ZNF487: variants seen among roughly 807,000 people sequenced by gnomAD.
ZNF487 encodes KRAB domain only 1.
Under a neutral mutation model 3.0 loss-of-function variants are expected in ZNF487, and 4 were observed. The observed-to-expected ratio is 1.35, with a 90% CI of 0.66 to 3.08. ZNF487 has a LOEUF of 3.08. Ranked by LOEUF, ZNF487 falls within the 30% of genes most tolerant of loss-of-function variation. The pLI is 0.01. For missense variants in ZNF487, 146 were observed against 98.7 expected, an observed-to-expected ratio of 1.48 and a Z score of -2.03; for synonymous variants, 55 against 34.6, an observed-to-expected ratio of 1.59 and a Z score of -2.06.
At chr10:43,450,002 T>C (rs2132056627) in intron 1 of ZNF487, among the ~76,000 whole-genome samples, 1 of 152,252 alleles carries the variant, frequency 6.6e-6, no homozygotes. Flanking sequence ...TTACTTTTAA[T>C]GTAAGTTTTA....
intron 1 of ZNF487, among the ~76,000 whole-genome samples, chr10:43,473,664 C>A (rs1222851330): frequency 1.3e-5 from 2 of 151,690 alleles, no homozygotes; most frequent in Admixed American, 1.3e-4. Context: ...GATTACAGGC[C>A]CCCTTTTTTT....
At chr10:43,521,790 G>T in the ZNF487 span, among the ~76,000 whole-genome samples, 17 of 151,976 alleles carry the variant, frequency 1.1e-4, no homozygotes, top group African/African-American at 4.1e-4. Flanking sequence ...ACTGGAAAGA[G>T]AAACCAGACA....
Position 43,445,073 on chromosome 10 carries a change from ATCTTT to A in ZNF487, c.-94+7816_-94+7820del, listed in dbSNP as rs545871167. 7.8e-4 allele frequency among the ~76,000 whole-genome samples: 119 copies of A among 152,080 alleles called. 1 individual carries two copies. The highest frequency in any genetic ancestry group is 2.7e-3 in the African/African-American group (111 of 41,496). On this transcript the variant is annotated intron_variant, in intron 1 of 3. Transcript: ENST00000437590. ...AACTTAGTTGCCTTTAAGTTCAGTA[ATCTTT>A]TCTTCTGTAATGTCTAATCTGCTGT...
the ZNF487 span, among the ~76,000 whole-genome samples, chr10:43,520,640 A>C: frequency 1 from 151,706 of 152,332 alleles, 75,545 homozygotes; most frequent in Middle Eastern, 1. Flanking sequence ...TAGAGCAGTG[A>C]CATACAAAGT....
At chr10:43,480,023 CTT>C (rs768075650) in intron 3 of ZNF487, among the ~76,000 whole-genome samples, 1 of 68,590 alleles carries the variant, frequency 1.5e-5, no homozygotes, top group African/African-American at 3.6e-5. Context: ...TTCTTTCTTT[CTT>C]TCTTTCTTTC....
chr10:43,492,572 C>T, the ZNF487 span, among the ~76,000 whole-genome samples: 1 of 151,952 alleles, frequency 6.6e-6, no homozygotes, highest in African/African-American at 2.4e-5. Flanking sequence ...CTGCCTCAGC[C>T]TCCCAAGTAG....
chr10:43,520,428 G>A, the ZNF487 span, among the ~76,000 whole-genome samples: 3 of 152,164 alleles, frequency 2.0e-5, no homozygotes, highest in Admixed American at 2.0e-4. Context: ...TTTAAGGTTT[G>A]TGTTTTGAAA....
upstream of ZNF487, chr10:43,436,952 C>A (rs1433085016): frequency 6.5e-6 from 3 of 462,432 alleles, no homozygotes; most frequent in East Asian, 7.3e-5. Flanking sequence ...GTCCGGCCAG[C>A]GGACAAGAGG....
chr10:43,450,688 A>G (rs1178029499), intron 1 of ZNF487, among the ~76,000 whole-genome samples: 1 of 152,110 alleles, frequency 6.6e-6, no homozygotes, highest in Non-Finnish European at 1.5e-5. Context: ...TGGGTGTGTG[A>G]ATGCCTTTTT....
the ZNF487 span, among the ~76,000 whole-genome samples, chr10:43,515,715 C>A: frequency 2.6e-5 from 4 of 152,278 alleles, no homozygotes; most frequent in South Asian, 2.1e-4. Flanking sequence ...TCACTCAGGG[C>A]AATCTTAGCA....
intron 1 of ZNF487, among the ~76,000 whole-genome samples, chr10:43,464,555 T>G (rs991428377): frequency 1.3e-5 from 2 of 152,032 alleles, no homozygotes; most frequent in African/African-American, 4.8e-5. Flanking sequence ...GTACTTGAGA[T>G]TAGGGAGTGG....
intron 1 of ZNF487, among the ~76,000 whole-genome samples, chr10:43,451,455 G>C (rs1840007961): frequency 6.6e-6 from 1 of 151,418 alleles, no homozygotes; most frequent in African/African-American, 2.4e-5. Flanking sequence ...ATGTTGGTCA[G>C]GCTGGTCTCG....
chr10:43,492,155 C>T, the ZNF487 span, among the ~76,000 whole-genome samples: 5 of 151,778 alleles, frequency 3.3e-5, no homozygotes, highest in Admixed American at 1.3e-4. Context: ...CCACATTGCC[C>T]AGGCTACCGC....
the ZNF487 span, among the ~76,000 whole-genome samples, chr10:43,514,647 C>T: frequency 1.3e-5 from 2 of 152,212 alleles, no homozygotes; most frequent in African/African-American, 2.4e-5. Context: ...CCACGCCCAC[C>T]TTGCCTTTGA....
chr10:43,496,183 C>A, the ZNF487 span: 1 of 460,382 alleles, frequency 2.2e-6, no homozygotes, highest in East Asian at 6.3e-5. Flanking sequence ...GCATTCATTT[C>A]TTTTTTAGCA....
intron 1 of ZNF487, among the ~76,000 whole-genome samples, chr10:43,473,466 A>G (rs567062869): frequency 3.4e-4 from 51 of 152,196 alleles, no homozygotes; most frequent in African/African-American, 9.6e-4. Context: ...ATAAACAGTA[A>G]TATCTAGCAA....
intron 1 of ZNF487, among the ~76,000 whole-genome samples, chr10:43,466,406 CTT>C (rs529133882): frequency 1.8e-4 from 26 of 140,920 alleles, no homozygotes; most frequent in Admixed American, 3.6e-4. Context: ...TTCTTTCTTT[CTT>C]TTTTTTTTTT....
the ZNF487 span, among the ~76,000 whole-genome samples, chr10:43,508,867 A>G: frequency 7.3e-5 from 11 of 151,242 alleles, no homozygotes; most frequent in East Asian, 2.2e-3. Context: ...AATAAATAAA[A>G]TTAAATAAAA....
intron 1 of ZNF487, among the ~76,000 whole-genome samples, chr10:43,470,693 T>C (rs945544390): frequency 2.6e-5 from 4 of 151,844 alleles, no homozygotes; most frequent in Non-Finnish European, 5.9e-5. Context: ...GCAATTTTTC[T>C]ATTTATTGTA....
Sources: gnomAD v4.1 joint callset for allele counts (sites outside exome capture counted in the v4.1 genomes callset) on GRCh38, gnomAD v4.1.1 for gene constraint, MANE v1.5 for transcripts, NCBI Gene and HGNC (gene_info 2026-07-23, HGNC 2026-07-21) for gene names.